Variants in TMEM132B observed in about 807,000 individuals in gnomAD.
TMEM132B encodes transmembrane protein 132B.
In TMEM132B, 18 loss-of-function variants were observed where a neutral mutation model predicts 90.8. The observed-to-expected ratio is 0.20, with a 90% CI of 0.14 to 0.29. TMEM132B has a LOEUF of 0.29. Among genes scored for constraint, TMEM132B ranks in the 10% least tolerant of loss-of-function variants. TMEM132B has a pLI of 1.00. For missense variants in TMEM132B, 1,096 were observed against 1,326.8 expected (o/e 0.83, Z 2.70); for synonymous variants, 504 against 523.3 (o/e 0.96, Z 0.50).
At chr12:125,314,587 A>G (rs454790) in intron 1 of TMEM132B, among the ~76,000 whole-genome samples, 112,804 of 151,694 alleles carry the variant, frequency 0.74, 42,927 homozygotes, top group African/African-American at 0.9. Flanking sequence ...TGAGCCAGCA[A>G]GGCTTCAACG....
intron 5 of TMEM132B, among the ~76,000 whole-genome samples, chr12:125,636,490 T>G: frequency 6.6e-6 from 1 of 152,204 alleles, no homozygotes; most frequent in East Asian, 1.9e-4. Context: ...AATTCTCTGA[T>G]GTTCTGATTA....
intron 3 of TMEM132B, among the ~76,000 whole-genome samples, chr12:125,435,185 C>T (rs867627945): frequency 1.3e-5 from 2 of 152,140 alleles, no homozygotes; most frequent in Non-Finnish European, 2.9e-5. Flanking sequence ...AATGTGTGAC[C>T]GTGAAACCCC....
At chr12:125,339,635 G>A (rs1050800943) in intron 1 of TMEM132B, among the ~76,000 whole-genome samples, 12 of 152,228 alleles carry the variant, frequency 7.9e-5, no homozygotes, top group Admixed American at 1.3e-4. Context: ...TAACCTTCCA[G>A]AGAAATGTCA....
intron 1 of TMEM132B, among the ~76,000 whole-genome samples, chr12:125,281,995 TCC>T (rs1258545805): frequency 8.7e-6 from 1 of 115,524 alleles, no homozygotes; most frequent in Non-Finnish European, 1.6e-5. Context: ...GCCATTGCAC[TCC>T]AGCCTGGCCA....
chr12:125,250,184 C>T (rs892901882), intron 1 of TMEM132B, among the ~76,000 whole-genome samples: 18 of 152,332 alleles, frequency 1.2e-4, no homozygotes, highest in African/African-American at 2.4e-4. Context: ...GGGATCTGGG[C>T]GGCACACCCC....
intron 3 of TMEM132B, among the ~76,000 whole-genome samples, chr12:125,515,246 TCACA>T (rs144097093): frequency 0.13 from 19,615 of 150,722 alleles, 1,735 homozygotes; most frequent in Admixed American, 0.3. Flanking sequence ...ACATGCATTC[TCACA>T]CACACACATT....
intron 2 of TMEM132B, among the ~76,000 whole-genome samples, chr12:125,364,050 G>A (rs1020657295): frequency 6.6e-6 from 1 of 152,134 alleles, no homozygotes; most frequent in African/African-American, 2.4e-5. Context: ...AGTTTAAAAC[G>A]TGCAATATAT....
At chr12:125,281,149 A>AGTCACC (rs1354239497) in intron 1 of TMEM132B, among the ~76,000 whole-genome samples, 1 of 152,138 alleles carries the variant, frequency 6.6e-6, no homozygotes, top group Non-Finnish European at 1.5e-5. Flanking sequence ...TAGTGGGAAG[A>AGTCACC]GTCACCCCTT....
chr12:125,463,248 A>G (rs745829420), intron 3 of TMEM132B, among the ~76,000 whole-genome samples: 3 of 152,310 alleles, frequency 2.0e-5, no homozygotes, highest in Non-Finnish European at 4.4e-5. Context: ...TGCAATATTC[A>G]TAGTCCTCTG....
At chr12:125,448,403 C>A (rs190921314) in intron 3 of TMEM132B, among the ~76,000 whole-genome samples, 17 of 152,266 alleles carry the variant, frequency 1.1e-4, no homozygotes, top group African/African-American at 3.1e-4. Flanking sequence ...TCCCAGGCAA[C>A]CACAGACCTG....
At chr12:125,194,462 T>C (rs1565972612) in intron 1 of TMEM132B, among the ~76,000 whole-genome samples, 1 of 152,030 alleles carries the variant, frequency 6.6e-6, no homozygotes. Context: ...CTGGGGTGAC[T>C]CCCCCGGGCC....
intron 5 of TMEM132B, among the ~76,000 whole-genome samples, chr12:125,611,762 G>A (rs1221250559): frequency 1.3e-5 from 2 of 152,082 alleles, no homozygotes; most frequent in East Asian, 1.9e-4. Context: ...ATCATGATCC[G>A]ACAACATTAT....
chr12:125,254,061 G>A (rs907804430), intron 1 of TMEM132B, among the ~76,000 whole-genome samples: 27 of 152,178 alleles, frequency 1.8e-4, no homozygotes, highest in Non-Finnish European at 2.4e-4. Context: ...AGGCCGAGGC[G>A]GGAGGATTAC....
At chr12:125,493,835 G>C (rs916774880) in intron 3 of TMEM132B, among the ~76,000 whole-genome samples, 2 of 149,636 alleles carry the variant, frequency 1.3e-5, no homozygotes, top group Non-Finnish European at 3.0e-5. Context: ...GGAAATGGCC[G>C]CATCCCTCCT....
intron 4 of TMEM132B, among the ~76,000 whole-genome samples, chr12:125,546,925 A>G (rs1884106580): frequency 6.6e-6 from 1 of 152,322 alleles, no homozygotes; most frequent in East Asian, 1.9e-4. Context: ...GCCTCAGGAA[A>G]CTTAACAATC....
intron 1 of TMEM132B, among the ~76,000 whole-genome samples, chr12:125,338,790 C>A (rs1185324684): frequency 2.6e-5 from 4 of 152,208 alleles, no homozygotes; most frequent in Non-Finnish European, 5.9e-5. Flanking sequence ...ATCCTCCCTC[C>A]ATTTCTCTTG....
Position 125,415,167 on chromosome 12 carries a change from C to T in TMEM132B, c.960-364C>T, listed in dbSNP as rs1218239837. Among the ~76,000 whole-genome samples, 2 of 152,178 alleles carry T rather than the reference C, an allele frequency of 1.3e-5. No individual in the cohort carries two copies. Among genetic ancestry groups the T allele is most frequent in the East Asian group, 3.8e-4 (2 of 5,198 alleles). On this transcript the variant is annotated intron_variant, in intron 2 of 8. Transcript: ENST00000682704. The surrounding 1 kb of genome is among the most constrained non-coding windows in gnomAD (Gnocchi z 5.3). ...CACCCCGCATCTTAAAGACTCTTCTCCATCTCCAGGTGAAGAATAGGCCTT... is the reference window on the plus strand; with the variant it reads ...CACCCCGCATCTTAAAGACTCTTCTTCATCTCCAGGTGAAGAATAGGCCTT...
intron 2 of TMEM132B, among the ~76,000 whole-genome samples, chr12:125,398,221 C>G (rs543545310): frequency 8.4e-4 from 128 of 152,270 alleles, no homozygotes; most frequent in African/African-American, 3.0e-3. Flanking sequence ...CCCTAATCCT[C>G]TAAATGCTGA....
At chr12:125,361,623 T>A (rs955189213) in intron 2 of TMEM132B, among the ~76,000 whole-genome samples, 1 of 152,202 alleles carries the variant, frequency 6.6e-6, no homozygotes, top group Non-Finnish European at 1.5e-5. Flanking sequence ...TAGATTTTGG[T>A]AGAGCTTGGA....
Sources: gnomAD v4.1 joint callset for allele counts (sites outside exome capture counted in the v4.1 genomes callset) on GRCh38, gnomAD v4.1.1 for gene constraint, Gnocchi (gnomAD v3.1) non-coding constraint, MANE v1.5 for transcripts, NCBI Gene and HGNC (gene_info 2026-07-23, HGNC 2026-07-21) for gene names.